EXOC4: variants seen among roughly 807,000 people sequenced by gnomAD.
EXOC4 encodes the protein SEC8-like 1.
A neutral mutation model predicts 107.2 loss-of-function variants in EXOC4; 71 were observed. That is an observed-to-expected ratio of 0.66 (90% CI 0.55 to 0.81). The LOEUF (loss-of-function observed/expected upper bound fraction) is 0.81, where lower values mean the gene tolerates loss of function less well. EXOC4 is among the 30% of genes least tolerant of loss of function. The probability of loss-of-function intolerance (pLI) is 0.00; values close to 1 mark genes in which losing one functional copy is unlikely to be tolerated. For synonymous variants in EXOC4, 456 were observed against 441.2 expected (o/e 1.03, Z -0.42); for missense variants, 1,108 against 1,189.6 (o/e 0.93, Z 1.01).
chr7:133,363,638 C>T (rs542782972), intron 6 of EXOC4, among the ~76,000 whole-genome samples: 39 of 150,182 alleles, frequency 2.6e-4, no homozygotes, highest in Non-Finnish European at 4.7e-4. Flanking sequence ...AACCTACTCT[C>T]GATTTCTCTT....
intron 6 of EXOC4, among the ~76,000 whole-genome samples, chr7:133,360,928 A>T (rs992765639): frequency 3.3e-5 from 5 of 152,170 alleles, no homozygotes; most frequent in African/African-American, 1.2e-4. Flanking sequence ...ATTTTATTAT[A>T]TATGTGTATC....
chr7:133,925,933 G>A (rs1297029301), intron 13 of EXOC4, among the ~76,000 whole-genome samples: 1 of 151,784 alleles, frequency 6.6e-6, no homozygotes, highest in African/African-American at 2.4e-5. Flanking sequence ...CAGCTACTCA[G>A]GAGGCTGAGG....
At position 133,938,005 on chromosome 7, in the gene EXOC4, T is replaced by C. The variant is rs748999413; in HGVS notation, c.2142T>C (p.His714=). 7.4e-6 allele frequency: 12 copies of C among 1,614,184 alleles called. No individual in the cohort carries two copies. In the Middle Eastern group the frequency reaches 6.6e-4, roughly 89 times the overall value. The part of the protein sequence containing the change: ...VSDLKALANM[H]ESLEWLASRT... ...ACCTCAAAGCCTTGGCCAACATGCA[T>C]GAAAGCCTGGAATGGTTGGCAAGTC... The change falls in exon 14 of 18, where the codon CAT becomes CAC. Residue 714 remains histidine (H), a synonymous_variant. Transcript: ENST00000253861.
intron 6 of EXOC4, among the ~76,000 whole-genome samples, chr7:133,367,288 A>G (rs1796268677): frequency 6.6e-6 from 1 of 152,090 alleles, no homozygotes; most frequent in Non-Finnish European, 1.5e-5. Context: ...CAGGCTGAGG[A>G]TGAGGTTCCT....
At chr7:133,394,292 G>C (rs1246727217) in intron 7 of EXOC4, among the ~76,000 whole-genome samples, 1 of 152,028 alleles carries the variant, frequency 6.6e-6, no homozygotes. Context: ...TTAAATTTTT[G>C]ATTTTTCATT....
At chr7:133,732,233 A>G (rs1259909063) in intron 10 of EXOC4, among the ~76,000 whole-genome samples, 1 of 152,204 alleles carries the variant, frequency 6.6e-6, no homozygotes, top group Non-Finnish European at 1.5e-5. Flanking sequence ...AGTGGGAGTT[A>G]ATGAGAACAC....
intron 11 of EXOC4, among the ~76,000 whole-genome samples, chr7:133,874,769 A>G (rs958813249): frequency 5.3e-5 from 8 of 152,232 alleles, no homozygotes; most frequent in Non-Finnish European, 7.3e-5. Context: ...CTCCTCTGAC[A>G]TGTTGATTGA....
intron 11 of EXOC4, among the ~76,000 whole-genome samples, chr7:133,837,365 A>G (rs1423595414): frequency 6.6e-6 from 1 of 152,144 alleles, no homozygotes; most frequent in Non-Finnish European, 1.5e-5. Context: ...ATTTTCTCCT[A>G]GCTCTAACAT....
intron 10 of EXOC4, among the ~76,000 whole-genome samples, chr7:133,663,049 C>G (rs1323734974): frequency 6.6e-6 from 1 of 152,146 alleles, no homozygotes; most frequent in East Asian, 1.9e-4. Context: ...TTTTCCTTTT[C>G]TGTGCAGTGT....
chr7:133,267,988 T>C (rs548431542), intron 1 of EXOC4, among the ~76,000 whole-genome samples: 141 of 152,292 alleles, frequency 9.3e-4, no homozygotes, highest in Non-Finnish European at 1.7e-3. Context: ...GGATAGGCTT[T>C]AGGGGATTTG....
Position 133,503,502 on chromosome 7 carries a change from G to A in EXOC4, c.1417+23364G>A, listed in dbSNP as rs79244474. Among the ~76,000 whole-genome samples the A allele has an allele frequency of 8.7e-3, 1,317 of 152,148 alleles. 26 individuals are homozygous for A. The highest frequency in any genetic ancestry group is 0.029 in the African/African-American group (1,217 of 41,516). On this transcript the variant is annotated intron_variant, in intron 9 of 17. Coordinates refer to ENST00000253861, the MANE Select transcript of EXOC4 (RefSeq NM_021807.4). ...GCTTAATCCTCCTTCCTTTGTTGATGAAGAGTATCTATCACTGGCTGGATG... is the reference window on the plus strand; with the variant it reads ...GCTTAATCCTCCTTCCTTTGTTGATAAAGAGTATCTATCACTGGCTGGATG...
rs893035115 is a variant in EXOC4 at position 133,946,677 on chromosome 7, T to C, written c.2206+8608T>C. On this transcript the variant is annotated intron_variant, in intron 14 of 17. Transcript: ENST00000253861. The stretch of plus-strand genomic sequence containing the variant: ...AGCTGTCTTCTGAAATCTACGTTAT[T>C]ACTAGGAATGGAGATGCTGCTTGTT... Among the ~76,000 whole-genome samples, 42 of 152,246 alleles carry C rather than the reference T, an allele frequency of 2.8e-4. 1 individual carries two copies. The highest frequency in any genetic ancestry group is 8.9e-4 in the African/African-American group (37 of 41,466).
At chr7:133,679,321 G>T (rs2151066364) in intron 10 of EXOC4, among the ~76,000 whole-genome samples, 1 of 152,042 alleles carries the variant, frequency 6.6e-6, no homozygotes, top group South Asian at 2.1e-4. Context: ...TCATGCTTTT[G>T]AAACAATCTT....
At chr7:133,972,302 C>T (rs1457475747) in intron 14 of EXOC4, among the ~76,000 whole-genome samples, 1 of 152,064 alleles carries the variant, frequency 6.6e-6, no homozygotes, top group Non-Finnish European at 1.5e-5. Context: ...TTTCAATACC[C>T]CTCATGTAAA....
chr7:133,437,421 G>A (rs956998751), intron 7 of EXOC4, among the ~76,000 whole-genome samples: 25 of 152,048 alleles, frequency 1.6e-4, no homozygotes, highest in Admixed American at 1.3e-3. Context: ...TCCCATTTTC[G>A]ATTATCTGGT....
At chr7:133,995,569 A>G (rs1386318018) in intron 14 of EXOC4, among the ~76,000 whole-genome samples, 1 of 152,222 alleles carries the variant, frequency 6.6e-6, no homozygotes, top group Non-Finnish European at 1.5e-5. Flanking sequence ...AACGTTAGAG[A>G]GGAGATGCAA....
intron 9 of EXOC4, among the ~76,000 whole-genome samples, chr7:133,487,716 A>C (rs1799295205): frequency 6.6e-6 from 1 of 151,728 alleles, no homozygotes; most frequent in Non-Finnish European, 1.5e-5. Flanking sequence ...CTCAAAAAAC[A>C]AACAAACAAA....
intron 11 of EXOC4, among the ~76,000 whole-genome samples, chr7:133,887,044 A>T (rs6967343): frequency 6.6e-6 from 1 of 152,012 alleles, no homozygotes; most frequent in African/African-American, 2.4e-5. Flanking sequence ...GAGGCTCTGC[A>T]CTGAGCACAA....
intron 11 of EXOC4, among the ~76,000 whole-genome samples, chr7:133,870,129 G>T (rs1563036212): frequency 2.0e-5 from 3 of 152,088 alleles, no homozygotes; most frequent in Non-Finnish European, 4.4e-5. Context: ...AGAGCTGGAG[G>T]TAAAAGATTG....
Sources: allele counts gnomAD v4.1 joint callset (sites outside exome capture counted in the v4.1 genomes callset), GRCh38; gene constraint gnomAD v4.1.1; transcripts MANE v1.5; gene names NCBI Gene and HGNC (gene_info 2026-07-23, HGNC 2026-07-21).